The following ATXN7L1 variants were observed in gnomAD, a reference collection of about 807,000 sequenced individuals.
ATXN7L1 encodes the protein ataxin-7-like protein 1.
A neutral mutation model predicts 70.8 loss-of-function variants in ATXN7L1; 15 were observed. The observed-to-expected ratio is 0.21, with a 90% CI of 0.14 to 0.33. The LOEUF (loss-of-function observed/expected upper bound fraction) is 0.33. ATXN7L1 is among the 10% of genes least tolerant of loss of function. The pLI is 1.00. For synonymous variants in ATXN7L1, 440 were observed against 445.1 expected (o/e 0.99, Z 0.14); for missense variants, 975 against 1,097.1 (o/e 0.89, Z 1.57).
chr7:105,692,265 G>A (rs117346019), intron 3 of ATXN7L1, among the ~76,000 whole-genome samples: 2,542 of 152,280 alleles, frequency 0.017, 36 homozygotes, highest in Middle Eastern at 0.054. Context: ...TTTTGCAAAT[G>A]TGGAGGCTTT....
intron 5 of ATXN7L1, among the ~76,000 whole-genome samples, chr7:105,641,969 G>A (rs746348619): frequency 2.0e-5 from 3 of 152,164 alleles, no homozygotes; most frequent in Non-Finnish European, 4.4e-5. Flanking sequence ...AGCTTAACCC[G>A]AGGACAGTTT....
Position 105,638,525 on chromosome 7 carries a change from G to T in ATXN7L1, c.1030C>A (p.Arg344=), listed in dbSNP as rs376104641. ...LLLAEHKAKS[R]EKEVKDKEHL... ...TCTTTATCTTTAACTTCTTTTTCCC[G>T]GGACTTTGCTTTGTGTTCTGCCAGG... Residue 344 remains arginine, a synonymous_variant, in exon 7 of 12, where the codon CGG becomes AGG. Transcript: ENST00000419735. 10 of 1,551,950 alleles carry T rather than the reference G, an allele frequency of 6.4e-6. No homozygotes were observed. Among genetic ancestry groups the T allele is most frequent in the South Asian group, 1.2e-5 (1 of 84,056 alleles).
At chr7:105,875,627 A>ACCCCCC (rs3835024) in intron 2 of ATXN7L1, among the ~76,000 whole-genome samples, 185 bp downstream of exon 2, 15 of 94,804 alleles carry the variant, frequency 1.6e-4, no homozygotes, top group East Asian at 1.3e-3. Flanking sequence ...ACCCCCCTTT[A>ACCCCCC]CCCCCCCCCC....
intron 3 of ATXN7L1, among the ~76,000 whole-genome samples, chr7:105,749,550 G>T (rs1413518508): frequency 6.6e-6 from 1 of 151,454 alleles, no homozygotes; most frequent in African/African-American, 2.4e-5. Context: ...CCTGAACCCA[G>T]GAGGCAGAGG....
At chr7:105,788,363 C>T (rs540709145) in intron 3 of ATXN7L1, 2 of 497,496 alleles carry the variant, frequency 4.0e-6, no homozygotes, top group Non-Finnish European at 7.4e-6. Flanking sequence ...TCAGTCTAGT[C>T]CCATCGACCG....
intron 2 of ATXN7L1, among the ~76,000 whole-genome samples, chr7:105,873,576 A>G (rs1390560679): frequency 6.6e-6 from 1 of 152,198 alleles, no homozygotes; most frequent in Non-Finnish European, 1.5e-5. Flanking sequence ...CTGCATGCAT[A>G]TATACCAGAA....
intron 4 of ATXN7L1, among the ~76,000 whole-genome samples, chr7:105,647,797 C>T (rs776779312): frequency 2.6e-5 from 4 of 152,212 alleles, no homozygotes; most frequent in African/African-American, 4.8e-5. Flanking sequence ...CATTTGGAAC[C>T]GTGCCAGTTG....
chr7:105,792,078 T>G (rs1805331136), intron 2 of ATXN7L1, among the ~76,000 whole-genome samples: 1 of 152,160 alleles, frequency 6.6e-6, no homozygotes, highest in South Asian at 2.1e-4. Flanking sequence ...TCCAGAGACC[T>G]GCAGAGCCCA....
rs551471348 is a variant in ATXN7L1 at position 105,789,067 on chromosome 7, G to T, written c.251-359C>A. On this transcript the variant is annotated intron_variant, in intron 2 of 11. Coordinates refer to ENST00000419735, the MANE Select transcript of ATXN7L1 (RefSeq NM_020725.2). ...TGAGGCTCTATATAGCTCAGGATGCGGGGAACTCCCCCAAACCCATTCCTG... is the reference window on the plus strand; with the variant it reads ...TGAGGCTCTATATAGCTCAGGATGCTGGGAACTCCCCCAAACCCATTCCTG... 2.1e-3 allele frequency among the ~76,000 whole-genome samples: 320 copies of T among 152,284 alleles called. 1 individual carries two copies. Among genetic ancestry groups the T allele is most frequent in the African/African-American group, 7.2e-3 (298 of 41,552 alleles).
At chr7:105,650,746 G>C (rs1309501370) in intron 4 of ATXN7L1, among the ~76,000 whole-genome samples, 2 of 152,200 alleles carry the variant, frequency 1.3e-5, no homozygotes, top group Non-Finnish European at 2.9e-5. Context: ...GAGATGATTA[G>C]CTGCTGAGAA....
chr7:105,697,047 A>G (rs1347305656), intron 3 of ATXN7L1, among the ~76,000 whole-genome samples: 1 of 152,208 alleles, frequency 6.6e-6, no homozygotes, highest in African/African-American at 2.4e-5. Context: ...CAAGTACTTA[A>G]CAGGGTAATA....
chr7:105,761,063 G>A (rs187526079), intron 3 of ATXN7L1: 12 of 685,076 alleles, frequency 1.8e-5, no homozygotes, highest in Non-Finnish European at 1.9e-5. Flanking sequence ...AGAATGAATT[G>A]TAGAGGAGCA....
chr7:105,760,675 TTCA>T, intron 3 of ATXN7L1: 2 of 588,474 alleles, frequency 3.4e-6, no homozygotes, highest in Middle Eastern at 8.6e-4. Flanking sequence ...AATACTTGTT[TTCA>T]ACATATAAGG....
intron 2 of ATXN7L1, among the ~76,000 whole-genome samples, chr7:105,858,897 A>G (rs529479057): frequency 1.1e-4 from 17 of 151,946 alleles, no homozygotes; most frequent in South Asian, 4.1e-4. Flanking sequence ...ATATGTATAC[A>G]TATATATAGA....
rs376851262 is a variant in ATXN7L1, at chr7:105,733,641, T to C, written c.355+54963A>G. Among the ~76,000 whole-genome samples the C allele has an allele frequency of 4.7e-3, 462 of 99,122 alleles. 24 individuals are homozygous for C. Among genetic ancestry groups the C allele is most frequent in the African/African-American group, 8.3e-3 (189 of 22,834 alleles). The allele number at this position is 99,122 out of a possible 152,430, so 65.0% of individuals were successfully genotyped here. On this transcript the variant is annotated intron_variant, in intron 3 of 11. Transcript: ENST00000419735. ...ATCCATCCATCCATCCACCCATCCA[T>C]CCATCCATCCATCCATCCATCCATC...
chr7:105,727,843 T>A (rs1426314590), intron 3 of ATXN7L1, among the ~76,000 whole-genome samples: 2 of 145,400 alleles, frequency 1.4e-5, no homozygotes, highest in Admixed American at 1.4e-4. Flanking sequence ...TATATGAATA[T>A]AAATGTTTTC....
chr7:105,799,358 G>GT (rs1806464305), intron 2 of ATXN7L1, among the ~76,000 whole-genome samples: 2 of 152,310 alleles, frequency 1.3e-5, no homozygotes, highest in Admixed American at 1.3e-4. Context: ...CTGCTCAGTG[G>GT]TAGGGGGGTT....
intron 2 of ATXN7L1, among the ~76,000 whole-genome samples, chr7:105,868,369 T>TCCA: frequency 6.6e-6 from 1 of 152,302 alleles, no homozygotes; most frequent in Middle Eastern, 3.4e-3. Context: ...AGCCCAGTTC[T>TCCA]GGCACGTCAG....
chr7:105,855,423 T>C (rs138049223), intron 2 of ATXN7L1, among the ~76,000 whole-genome samples: 369 of 152,336 alleles, frequency 2.4e-3, no homozygotes, highest in African/African-American at 8.6e-3. Flanking sequence ...ATTTACCATC[T>C]AATGTATCTG....
Sources: allele counts gnomAD v4.1 joint callset (sites outside exome capture counted in the v4.1 genomes callset), GRCh38; gene constraint gnomAD v4.1.1; transcripts MANE v1.5; gene names NCBI Gene and HGNC (gene_info 2026-07-23, HGNC 2026-07-21).